Variants in ELMO2 observed in about 807,000 individuals in gnomAD.
ELMO2 encodes engulfment and cell motility 2.
ELMO2 carries 37 observed loss-of-function variants against 96.2 expected under a neutral mutation model. The observed-to-expected ratio is 0.38, with a 90% CI of 0.30 to 0.51. ELMO2 has a LOEUF of 0.51. Ranked by LOEUF, ELMO2 falls within the 20% of genes least tolerant of loss-of-function variation. The pLI is 0.88. For synonymous variants in ELMO2, 315 were observed against 329.4 expected, an observed-to-expected ratio of 0.96 and a Z score of 0.47; for missense variants, 561 against 912.6, an observed-to-expected ratio of 0.61 and a Z score of 4.96.
At position 46,393,535 on chromosome 20, in the gene ELMO2, G is replaced by A. The variant is rs139415068; in HGVS notation, c.186C>T (p.Thr62=). ...TGCCTCTCCCTGTACTAACCTGTTC[G>A]GTGATGTACAGCTGAGGACCATCTG... ...RYADGPQLYI[T]EQTRSDIKNG... The change falls in exon 5 of 22, where the codon ACC becomes ACT. Residue 62 remains threonine, a synonymous_variant. Coordinates refer to ENST00000290246, the MANE Select transcript of ELMO2 (RefSeq NM_133171.5). 8.3e-5 allele frequency: 134 copies of A among 1,614,002 alleles called. No homozygotes were observed. Among genetic ancestry groups the A allele is most frequent in the Non-Finnish European group, 1.1e-4 (124 of 1,180,012 alleles).
intron 7 of ELMO2, 144 bp from the exon 8 acceptor site, chr20:46,387,581 T>A (rs2060069811): frequency 1.7e-6 from 1 of 573,002 alleles, no homozygotes; most frequent in African/African-American, 1.9e-5. Flanking sequence ...TAAGTGCCTG[T>A]GTGCACACCT....
intron 11 of ELMO2, among the ~76,000 whole-genome samples, chr20:46,379,418 C>T (rs2059917919): frequency 6.6e-6 from 1 of 152,300 alleles, no homozygotes; most frequent in South Asian, 2.1e-4. Flanking sequence ...TTTCCAGATC[C>T]CCCTGCCAGC....
chr20:46,375,485 A>G lies in ELMO2; in HGVS notation c.931-115T>C. On this transcript the variant is annotated intron_variant, in intron 12 of 21. Transcript: ENST00000290246. This position sits in a 1 kb window ranked among gnomAD's most constrained non-coding sequence, Gnocchi z 4.6. ...CTTTGGCCCCAATCAATCCCTTAGG[A>G]GGCATCACCTCTACCACAGCAGGAC... is the stretch of plus-strand genomic sequence containing the variant. The G allele has an allele frequency of 6.7e-7, 1 of 1,496,766 alleles. No homozygotes were observed. Among genetic ancestry groups the G allele is most frequent in the Non-Finnish European group, 9.0e-7 (1 of 1,105,676 alleles). The allele number at this position is 1,496,766 out of a possible 1,614,324, so 92.7% of individuals were successfully genotyped here. A position where few individuals can be genotyped will look rare whatever the true frequency, so the allele number is the denominator to read the frequency against.
intron 6 of ELMO2, 107 bp downstream of exon 6, chr20:46,392,986 C>G: frequency 9.9e-7 from 1 of 1,006,438 alleles, no homozygotes; most frequent in Non-Finnish European, 1.5e-6. Flanking sequence ...AAAAGACTGA[C>G]TTTCTTATCT....
intron 21 of ELMO2, among the ~76,000 whole-genome samples, chr20:46,368,457 T>A (rs1175577195): frequency 6.6e-6 from 1 of 152,062 alleles, no homozygotes; most frequent in Non-Finnish European, 1.5e-5. Flanking sequence ...TTCTCTTGGG[T>A]AGCTGACCAC....
At position 46,394,437 on chromosome 20, in the gene ELMO2, C is replaced by G. The variant is rs768673754; in HGVS notation, c.46G>C (p.Gly16Arg). Residue 16 changes from glycine to arginine, a missense_variant, in exon 3 of 22, where the codon GGT becomes CGT. Gly to Arg is a moderately radical substitution (Grantham distance 125, BLOSUM62 -2). Transcript: ENST00000290246. ...ATTTCAAGGAGCTGGGCGTTAGCACCTGGCCACTCAATGGCCACTTTGACA... is the reference window on the plus strand; with the variant it reads ...ATTTCAAGGAGCTGGGCGTTAGCACGTGGCCACTCAATGGCCACTTTGACA... The part of the protein sequence containing the change: ...DIVKVAIEWP[G>R]ANAQLLEIDQ... The G allele has an allele frequency of 2.5e-6, 4 of 1,614,248 alleles. No homozygotes were observed.
intron 15 of ELMO2, 52 bp downstream of exon 15, chr20:46,374,280 G>A: frequency 2.0e-6 from 3 of 1,467,788 alleles, no homozygotes; most frequent in Non-Finnish European, 2.9e-6. Context: ...GAGTCTCACT[G>A]AGCTCTTGAT....
rs552561366 is a variant in ELMO2 at position 46,374,897 on chromosome 20, G to A, written c.1066-257C>T. On this transcript the variant is annotated intron_variant, in intron 13 of 21. Coordinates refer to ENST00000290246, the MANE Select transcript of ELMO2 (RefSeq NM_133171.5). The stretch of plus-strand genomic sequence containing the variant: ...AGGTACGCAAGAAATACTTCTTCCA[G>A]TTAACCCCATCCTCAAGCCCTACTC... Among the ~76,000 whole-genome samples, 6 of 152,254 alleles carry A rather than the reference G, an allele frequency of 3.9e-5. No homozygotes were observed. In the East Asian group the frequency reaches 9.6e-4, roughly 24 times the overall value.
rs1419698700 is a variant in ELMO2, at chr20:46,393,116, T to C, written c.220A>G (p.Ile74Val). Reference sequence around the variant, plus strand: ...ACCGGGGAGATAGCCAGTTGTAAGATTGTCCCATTCTTAATGTCACTGCGA... The same window carrying C: ...ACCGGGGAGATAGCCAGTTGTAAGACTGTCCCATTCTTAATGTCACTGCGA... ...QTRSDIKNGT[I>V]LQLAISPSRA... Residue 74 changes from isoleucine to valine, a missense_variant, in exon 6 of 22, where the codon ATC (isoleucine) becomes GTC (valine). By Grantham distance (29) the Ile-to-Val change is conservative. Coordinates refer to ENST00000290246, the MANE Select transcript of ELMO2 (RefSeq NM_133171.5). 47 of 1,614,076 alleles carry C rather than the reference T, an allele frequency of 2.9e-5. No homozygotes were observed. Among genetic ancestry groups the C allele is most frequent in the East Asian group, 6.7e-5 (3 of 44,888 alleles).
intron 1 of ELMO2, among the ~76,000 whole-genome samples, chr20:46,401,401 T>C (rs1423622721): frequency 6.6e-6 from 1 of 152,180 alleles, no homozygotes; most frequent in African/African-American, 2.4e-5. Flanking sequence ...GACACAGGAC[T>C]CATTCACACA....
Position 46,390,173 on chromosome 20 carries a change from A to C in ELMO2, c.244-953T>G, listed in dbSNP as rs529755398. On this transcript the variant is annotated intron_variant, in intron 6 of 21. Transcript: ENST00000290246. ...ATCTCAAAAAAAATAAAATAAAATA[A>C]AATAAAATTTATAAAACTGTTAGAC... is the stretch of plus-strand genomic sequence containing the variant. Among the ~76,000 whole-genome samples, 12 of 152,242 alleles carry C rather than the reference A, an allele frequency of 7.9e-5. No individual in the cohort carries two copies. The East Asian group carries it at 2.1e-3, about 27-fold the overall frequency.
chr20:46,383,652 CA>C (rs2059994656), intron 9 of ELMO2, among the ~76,000 whole-genome samples, 158 bp from the exon 10 acceptor site: 1 of 152,160 alleles, frequency 6.6e-6, no homozygotes, highest in African/African-American at 2.4e-5. Flanking sequence ...CTTGACCCAG[CA>C]ATTTCACTAA....
At chr20:46,389,427 T>C (rs1166655268) in intron 6 of ELMO2, among the ~76,000 whole-genome samples, 1 of 152,224 alleles carries the variant, frequency 6.6e-6, no homozygotes, top group African/African-American at 2.4e-5. Context: ...TATCTGCATC[T>C]TTTCTGTACC....
chr20:46,386,796 T>C (rs890653435), intron 8 of ELMO2, among the ~76,000 whole-genome samples: 2 of 152,228 alleles, frequency 1.3e-5, no homozygotes, highest in Non-Finnish European at 2.9e-5. Flanking sequence ...GCTGAAGTTC[T>C]AGGGCAGCAG....
intron 11 of ELMO2, chr20:46,379,787 T>C (rs1204703889): frequency 1.9e-5 from 3 of 153,846 alleles, no homozygotes; most frequent in Admixed American, 1.9e-4. Context: ...CTCCATCCTT[T>C]CCTAGACCAC....
At chr20:46,391,589 T>A (rs1600870824) in intron 6 of ELMO2, among the ~76,000 whole-genome samples, 1 of 152,278 alleles carries the variant, frequency 6.6e-6, no homozygotes, top group East Asian at 1.9e-4. Flanking sequence ...ATATTGGCTG[T>A]CTTCTTCATG....
At chr20:46,399,820 T>C (rs942668406) in intron 1 of ELMO2, among the ~76,000 whole-genome samples, 1 of 152,204 alleles carries the variant, frequency 6.6e-6, no homozygotes, top group African/African-American at 2.4e-5. Flanking sequence ...TGTCTGGTGT[T>C]CCCTCTGCGT....
intron 16 of ELMO2, chr20:46,373,116 C>T: frequency 2.6e-6 from 1 of 385,876 alleles, no homozygotes; most frequent in South Asian, 3.6e-5. Context: ...AGTGAGTCTT[C>T]TAATGCTTAT....
At chr20:46,382,377 C>T in intron 10 of ELMO2, 2 of 723,296 alleles carry the variant, frequency 2.8e-6, no homozygotes, top group Non-Finnish European at 4.2e-6. Context: ...ACCACAGATG[C>T]TTCTGGTCTT....
Sources: gnomAD v4.1 joint callset for allele counts (sites outside exome capture counted in the v4.1 genomes callset) on GRCh38, gnomAD v4.1.1 for gene constraint, Gnocchi (gnomAD v3.1) non-coding constraint, MANE v1.5 for transcripts, NCBI Gene and HGNC (gene_info 2026-07-23, HGNC 2026-07-21) for gene names.